The following NKAIN2 variants were observed in gnomAD, a reference collection of about 807,000 sequenced individuals.
NKAIN2 encodes sodium/potassium-transporting ATPase subunit beta-1-interacting protein 2.
NKAIN2 carries 14 observed loss-of-function variants against 32.6 expected under a neutral mutation model. The ratio of observed to expected loss-of-function variants is 0.43; its 90% CI spans 0.28 to 0.67. NKAIN2 has a LOEUF of 0.67. Among genes scored for constraint, NKAIN2 ranks in the 30% least tolerant of loss-of-function variants. The probability of loss-of-function intolerance (pLI) is 0.17; values close to 1 mark genes in which losing one functional copy is unlikely to be tolerated. For missense variants in NKAIN2, 198 were observed against 258.3 expected (o/e 0.77, Z 1.60); for synonymous variants, 80 against 87.2 (o/e 0.92, Z 0.46).
At chr6:123,930,741 A>G (rs1008394523) in intron 1 of NKAIN2, among the ~76,000 whole-genome samples, 1 of 152,180 alleles carries the variant, frequency 6.6e-6, no homozygotes, top group African/African-American at 2.4e-5. Flanking sequence ...GTTTGTTGAA[A>G]GACTACTTTG....
Position 124,797,031 on chromosome 6 carries a change from G to A in NKAIN2, c.535+5632G>A, listed in dbSNP as rs61390802. On this transcript the variant is annotated intron_variant, in intron 5 of 6. Transcript: ENST00000368417. ...GGCTCTTCTGTCTCACTTCATCCTC[G>A]GTTTTTCCCCACTGCAGTTGGATGT... 2.7e-3 allele frequency among the ~76,000 whole-genome samples: 417 copies of A among 151,836 alleles called. 1 individual carries two copies. Among genetic ancestry groups the A allele is most frequent in the Non-Finnish European group, 5.2e-3 (352 of 67,926 alleles).
At chr6:124,658,410 C>G in intron 4 of NKAIN2, 24 bp downstream of exon 4, 27 of 1,614,050 alleles carry the variant, frequency 1.7e-5, no homozygotes, top group Non-Finnish European at 2.3e-5. Context: ...GCCAACCGCT[C>G]CTTCTAGTGC....
intron 3 of NKAIN2, among the ~76,000 whole-genome samples, chr6:124,629,892 C>T (rs954708387): frequency 6.6e-6 from 1 of 151,926 alleles, no homozygotes; most frequent in Non-Finnish European, 1.5e-5. Flanking sequence ...TGCTAGTAAA[C>T]GGTTGTTGAA....
chr6:124,755,527 G>C (rs1490337846), intron 4 of NKAIN2, among the ~76,000 whole-genome samples: 1 of 152,138 alleles, frequency 6.6e-6, no homozygotes, highest in Non-Finnish European at 1.5e-5. Flanking sequence ...ATACTATGCA[G>C]CCATAAAAAA....
At chr6:124,546,547 A>G (rs1159834169) in intron 3 of NKAIN2, among the ~76,000 whole-genome samples, 1 of 151,770 alleles carries the variant, frequency 6.6e-6, no homozygotes, top group Non-Finnish European at 1.5e-5. Flanking sequence ...ATTAAGATAG[A>G]TAGATAGAGA....
rs1278683030 is a variant in NKAIN2, at chr6:124,347,933, T to C, written c.193-7334T>C. On this transcript the variant is annotated intron_variant, in intron 2 of 6. Coordinates refer to ENST00000368417, the MANE Select transcript of NKAIN2 (RefSeq NM_001040214.3). ...GCTCTGCTTTTTAGAGTTTCCAGTT[T>C]TTCTGCTCTGTTTTTTCACCATCTT... Among the ~76,000 whole-genome samples, 5 of 152,314 alleles carry C rather than the reference T, an allele frequency of 3.3e-5. No individual in the cohort carries two copies. In the East Asian group the frequency reaches 9.7e-4, roughly 29 times the overall value.
chr6:124,777,134 T>C (rs1190858042), intron 4 of NKAIN2, among the ~76,000 whole-genome samples: 1 of 152,182 alleles, frequency 6.6e-6, no homozygotes, highest in Non-Finnish European at 1.5e-5. Flanking sequence ...ATTCAGATTT[T>C]TAATAAATAA....
intron 3 of NKAIN2, among the ~76,000 whole-genome samples, chr6:124,412,627 C>G (rs1411194177): frequency 6.6e-6 from 1 of 152,124 alleles, no homozygotes; most frequent in East Asian, 1.9e-4. Flanking sequence ...GGTCGGGGAC[C>G]CACTTGAGGA....
chr6:123,921,603 T>C (rs1424388135), intron 1 of NKAIN2, among the ~76,000 whole-genome samples: 1 of 152,208 alleles, frequency 6.6e-6, no homozygotes, highest in South Asian at 2.1e-4. Context: ...TGTTTTTCAC[T>C]GTTCTGGTCT....
At chr6:123,973,925 G>A (rs1778442619) in intron 1 of NKAIN2, among the ~76,000 whole-genome samples, 1 of 151,950 alleles carries the variant, frequency 6.6e-6, no homozygotes, top group South Asian at 2.1e-4. Context: ...TTTAATGGAA[G>A]GAGAATTATC....
chr6:124,428,450 G>A (rs574134753), intron 3 of NKAIN2, among the ~76,000 whole-genome samples: 1 of 152,214 alleles, frequency 6.6e-6, no homozygotes, highest in African/African-American at 2.4e-5. Flanking sequence ...GGAACTGAAA[G>A]CAGCTGCATT....
chr6:124,160,566 A>T (rs1444583423), intron 1 of NKAIN2, among the ~76,000 whole-genome samples: 1 of 152,168 alleles, frequency 6.6e-6, no homozygotes, highest in African/African-American at 2.4e-5. Context: ...GCATATATTC[A>T]GCTACTAAAA....
At chr6:124,660,646 C>T (rs560385145) in intron 4 of NKAIN2, among the ~76,000 whole-genome samples, 2 of 152,284 alleles carry the variant, frequency 1.3e-5, no homozygotes, top group East Asian at 3.9e-4. Flanking sequence ...GACATCTTCA[C>T]CTCTACCTTT....
intron 3 of NKAIN2, among the ~76,000 whole-genome samples, chr6:124,586,234 A>C (rs71559999): frequency 1.2e-4 from 18 of 152,236 alleles, no homozygotes; most frequent in Non-Finnish European, 2.1e-4. Flanking sequence ...TTTAAAATAA[A>C]GAAGAAAAGA....
At chr6:124,201,652 G>A (rs972927748) in intron 1 of NKAIN2, among the ~76,000 whole-genome samples, 3 of 151,892 alleles carry the variant, frequency 2.0e-5, no homozygotes, top group African/African-American at 4.8e-5. Flanking sequence ...AAAACCTCAA[G>A]GAGTGAGAAG....
At chr6:124,764,313 A>G (rs1378214676) in intron 4 of NKAIN2, among the ~76,000 whole-genome samples, 1 of 152,206 alleles carries the variant, frequency 6.6e-6, no homozygotes, top group Non-Finnish European at 1.5e-5. Flanking sequence ...TCACTAATTT[A>G]AAATTATGGG....
chr6:124,752,855 G>A (rs72977763), intron 4 of NKAIN2, among the ~76,000 whole-genome samples: 8,120 of 152,110 alleles, frequency 0.053, 270 homozygotes, highest in Middle Eastern at 0.1. Flanking sequence ...CTTGTGAAAT[G>A]AATCTGACAT....
At chr6:124,399,074 G>A (rs1291313978) in intron 3 of NKAIN2, among the ~76,000 whole-genome samples, 3 of 151,842 alleles carry the variant, frequency 2.0e-5, no homozygotes, top group East Asian at 1.9e-4. Context: ...TTACAGGCAC[G>A]CACCCCCACA....
chr6:124,678,431 A>T (rs942134423), intron 4 of NKAIN2, among the ~76,000 whole-genome samples: 1 of 151,846 alleles, frequency 6.6e-6, no homozygotes, highest in African/African-American at 2.4e-5. Flanking sequence ...CTCTTTCTGG[A>T]TAATTTCAAA....
Sources: gnomAD v4.1 joint callset for allele counts (sites outside exome capture counted in the v4.1 genomes callset) on GRCh38, gnomAD v4.1.1 for gene constraint, MANE v1.5 for transcripts, NCBI Gene and HGNC (gene_info 2026-07-23, HGNC 2026-07-21) for gene names.